The following SLC35G2 variants were observed in gnomAD, a reference collection of about 807,000 sequenced individuals.
The protein encoded by SLC35G2 is transmembrane protein 22.
Under a neutral mutation model 27.2 loss-of-function variants are expected in SLC35G2, and 20 were observed. The ratio of observed to expected loss-of-function variants is 0.74; its 90% CI spans 0.52 to 1.07. The LOEUF is 1.07. Among genes scored for constraint, SLC35G2 ranks in the 50% least tolerant of loss-of-function variants. The pLI is 0.00. For missense variants in SLC35G2, 416 were observed against 493.3 expected (o/e 0.84, Z 1.48); for synonymous variants, 148 against 165.3 (o/e 0.90, Z 0.80).
chr3:136,854,314 A>G, intron 1 of SLC35G2, 129 bp from the exon 2 acceptor site: 1 of 628,596 alleles, frequency 1.6e-6, no homozygotes, highest in South Asian at 2.3e-5. Flanking sequence ...GATCATCTCT[A>G]ATTTCTTTTT....
intron 1 of SLC35G2, chr3:136,843,190 GT>G (rs1937175660): frequency 1.3e-5 from 2 of 151,880 alleles, no homozygotes; most frequent in Admixed American, 6.6e-5. Flanking sequence ...AGGTGTGGTG[GT>G]GGCCGCCTGT....
chr3:136,826,411 A>G (rs1389458453), intron 1 of SLC35G2, among the ~76,000 whole-genome samples: 3 of 152,142 alleles, frequency 2.0e-5, no homozygotes. Context: ...ACATACAAAA[A>G]TCAGTAGTAT....
At chr3:136,844,735 T>G (rs1282213593) in intron 1 of SLC35G2, among the ~76,000 whole-genome samples, 2 of 147,514 alleles carry the variant, frequency 1.4e-5, no homozygotes, top group African/African-American at 2.5e-5. Flanking sequence ...GAGGTGGAAG[T>G]TGTAGTGAGC....
At chr3:136,850,445 C>T (rs1937588014) in intron 1 of SLC35G2, among the ~76,000 whole-genome samples, 1 of 151,948 alleles carries the variant, frequency 6.6e-6, no homozygotes, top group Non-Finnish European at 1.5e-5. Flanking sequence ...CTAAGCATAT[C>T]TTTTCAATTA....
intron 1 of SLC35G2, among the ~76,000 whole-genome samples, chr3:136,821,575 T>TAG (rs949715827): frequency 6.6e-6 from 1 of 152,026 alleles, no homozygotes; most frequent in African/African-American, 2.4e-5. Flanking sequence ...GCCTCTTGAG[T>TAG]AGCTGGCCAC....
intron 1 of SLC35G2, 119 bp downstream of exon 1, chr3:136,819,747 A>C (rs1306153769): frequency 6.6e-6 from 1 of 152,226 alleles, no homozygotes; most frequent in African/African-American, 2.4e-5. Flanking sequence ...TCTCATGTCC[A>C]TGACTCTTGA....
At chr3:136,840,106 A>G (rs1937023552) in intron 1 of SLC35G2, among the ~76,000 whole-genome samples, 1 of 152,198 alleles carries the variant, frequency 6.6e-6, no homozygotes, top group Non-Finnish European at 1.5e-5. Context: ...AGTCCAACTA[A>G]GCAGCCTTCA....
intron 1 of SLC35G2, among the ~76,000 whole-genome samples, chr3:136,840,907 G>A (rs1937063549): frequency 6.8e-6 from 1 of 147,452 alleles, no homozygotes; most frequent in Non-Finnish European, 1.5e-5. Flanking sequence ...ACAGACGTGA[G>A]CCACTGTGCC....
intron 1 of SLC35G2, among the ~76,000 whole-genome samples, chr3:136,849,916 C>T (rs888208269): frequency 1.3e-5 from 2 of 151,702 alleles, no homozygotes; most frequent in African/African-American, 4.8e-5. Context: ...ACCAGCCTGA[C>T]CAACATGGTG....
intron 1 of SLC35G2, among the ~76,000 whole-genome samples, chr3:136,826,719 C>T (rs1167673916): frequency 6.6e-6 from 1 of 152,010 alleles, no homozygotes; most frequent in East Asian, 1.9e-4. Context: ...GCACTGCAAC[C>T]TCTGTCTCCC....
rs563183098 is a variant in SLC35G2 at position 136,833,978 on chromosome 3, C to T, written c.-19+14350C>T. 8.6e-5 allele frequency among the ~76,000 whole-genome samples: 13 copies of T among 150,542 alleles called. No individual in the cohort carries two copies. The South Asian group carries it at 1.1e-3, about 12-fold the overall frequency. On this transcript the variant is annotated intron_variant, in intron 1 of 1. Transcript: ENST00000446465. Reference sequence around the variant, plus strand: ...ACTGTATATGGTATTGTATAGTAACCGTAAACAATAGCATTGTACATGATT... The same window carrying T: ...ACTGTATATGGTATTGTATAGTAACTGTAAACAATAGCATTGTACATGATT...
chr3:136,830,305 C>T (rs1382939263), intron 1 of SLC35G2, among the ~76,000 whole-genome samples: 1 of 150,460 alleles, frequency 6.6e-6, no homozygotes, highest in Non-Finnish European at 1.5e-5. Flanking sequence ...TTTTTTGAGA[C>T]AGAGTCTTGC....
At chr3:136,835,766 C>A (rs746663410) in intron 1 of SLC35G2, among the ~76,000 whole-genome samples, 1 of 152,084 alleles carries the variant, frequency 6.6e-6, no homozygotes, top group Non-Finnish European at 1.5e-5. Context: ...TCAGCGTGGA[C>A]TTGTGGATTT....
In SLC35G2 at chr3:136,826,038, A is replaced by AT. The variant is rs1936576917; in HGVS notation, c.-19+6414dup. 1.7e-4 allele frequency among the ~76,000 whole-genome samples: 25 copies of AT among 151,040 alleles called. No individual in the cohort carries two copies. In the South Asian group the frequency reaches 4.8e-3, roughly 29 times the overall value. Reference sequence around the variant, plus strand: ...CCTGGGCTTTTCTTTTCTTTATTTTATTTTATTTTATTTTTTAAGACACAG... The same window carrying AT: ...CCTGGGCTTTTCTTTTCTTTATTTTATTTTTATTTTATTTTTTAAGACACAG... On this transcript the variant is annotated intron_variant, in intron 1 of 1. Coordinates refer to ENST00000446465, the MANE Select transcript of SLC35G2 (RefSeq NM_025246.3).
At chr3:136,826,810 T>C (rs1936596755) in intron 1 of SLC35G2, among the ~76,000 whole-genome samples, 1 of 151,706 alleles carries the variant, frequency 6.6e-6, no homozygotes, top group South Asian at 2.1e-4. Flanking sequence ...GCTAATTTTT[T>C]ATATTTTTGG....
At chr3:136,832,092 C>G (rs1322082135) in intron 1 of SLC35G2, among the ~76,000 whole-genome samples, 1 of 152,002 alleles carries the variant, frequency 6.6e-6, no homozygotes, top group Non-Finnish European at 1.5e-5. Flanking sequence ...CGGCTCACTG[C>G]AAGCTCTGCC....
chr3:136,848,115 C>T (rs1299348471), intron 1 of SLC35G2, among the ~76,000 whole-genome samples: 4 of 152,158 alleles, frequency 2.6e-5, no homozygotes, highest in African/African-American at 9.7e-5. Flanking sequence ...TTTGGAGTCT[C>T]TGAATTTAAG....
intron 1 of SLC35G2, chr3:136,838,183 T>C (rs972896702): frequency 6.0e-5 from 9 of 149,972 alleles, no homozygotes; most frequent in African/African-American, 2.2e-4. Flanking sequence ...ATATTCTTTA[T>C]ATATAATGTC....
rs1286757408 is a variant in SLC35G2, at chr3:136,849,873, G to A, written c.-18-4570G>A. Among the ~76,000 whole-genome samples the A allele has an allele frequency of 4.6e-5, 7 of 151,820 alleles. 1 individual carries two copies. The highest frequency in any genetic ancestry group is 2.1e-4 in the South Asian group (1 of 4,816). Reference sequence around the variant, plus strand: ...TGATCCCAGCACTTCGGGAAGCCGCGGCGGGCGGATCACTTGAGGTCAGGG... The same window carrying A: ...TGATCCCAGCACTTCGGGAAGCCGCAGCGGGCGGATCACTTGAGGTCAGGG... On this transcript the variant is annotated intron_variant, in intron 1 of 1. Transcript: ENST00000446465.
Sources: gnomAD v4.1 joint callset for allele counts (sites outside exome capture counted in the v4.1 genomes callset) on GRCh38, gnomAD v4.1.1 for gene constraint, MANE v1.5 for transcripts, NCBI Gene and HGNC (gene_info 2026-07-23, HGNC 2026-07-21) for gene names.